Variants in CDH12 observed in about 807,000 individuals in gnomAD.
CDH12 encodes cadherin 12, also known as cadherin-12.
CDH12 carries 41 observed loss-of-function variants against 74.1 expected under a neutral mutation model. That is an observed-to-expected ratio of 0.55 (90% CI 0.43 to 0.72). CDH12 has a LOEUF of 0.72. Ranked by LOEUF, CDH12 falls within the 30% of genes least tolerant of loss-of-function variation. The pLI, the probability that CDH12 is intolerant of heterozygous loss-of-function variation, is 0.00. For missense variants in CDH12, 945 were observed against 977.2 expected, an observed-to-expected ratio of 0.97 and a Z score of 0.44; for synonymous variants, 399 against 355.0, an observed-to-expected ratio of 1.12 and a Z score of -1.39.
intron 6 of CDH12, among the ~76,000 whole-genome samples, chr5:21,887,972 C>T (rs190917367): frequency 7.0e-4 from 106 of 151,918 alleles, no homozygotes; most frequent in African/African-American, 2.0e-3. Context: ...CACTAATTAA[C>T]GAGCCAGTTC....
intron 3 of CDH12, among the ~76,000 whole-genome samples, chr5:22,296,323 G>A (rs569162379): frequency 3.3e-5 from 5 of 152,022 alleles, no homozygotes; most frequent in Non-Finnish European, 7.4e-5. Context: ...GAAAATCAGA[G>A]ACCTATTCCA....
At chr5:21,903,958 T>C (rs897395784) in intron 6 of CDH12, among the ~76,000 whole-genome samples, 4 of 152,228 alleles carry the variant, frequency 2.6e-5, no homozygotes, top group Non-Finnish European at 4.4e-5. Context: ...AAAAAAGACA[T>C]GGATTTCCAG....
intron 5 of CDH12, among the ~76,000 whole-genome samples, chr5:22,025,143 A>G (rs1237986753): frequency 6.6e-6 from 1 of 152,160 alleles, no homozygotes; most frequent in Admixed American, 6.6e-5. Flanking sequence ...TAGAATCAGA[A>G]TTAGAATTCT....
intron 4 of CDH12, among the ~76,000 whole-genome samples, chr5:22,150,433 T>C (rs1479304650): frequency 6.6e-6 from 1 of 151,904 alleles, no homozygotes; most frequent in Non-Finnish European, 1.5e-5. Context: ...ACTCAATAAC[T>C]AGCAATGAAC....
chr5:22,536,627 T>C (rs574162781), intron 1 of CDH12, among the ~76,000 whole-genome samples: 4 of 152,354 alleles, frequency 2.6e-5, no homozygotes, highest in Admixed American at 6.5e-5. Context: ...TTGTCTTGCC[T>C]AAGATACTCC....
chr5:22,756,813 A>C (rs1745942201), intron 1 of CDH12, among the ~76,000 whole-genome samples: 1 of 152,040 alleles, frequency 6.6e-6, no homozygotes, highest in Non-Finnish European at 1.5e-5. Context: ...TACAAAACTT[A>C]GCCAGGCGTG....
At chr5:22,376,976 G>C (rs543036017) in intron 3 of CDH12, among the ~76,000 whole-genome samples, 1 of 152,160 alleles carries the variant, frequency 6.6e-6, no homozygotes, top group African/African-American at 2.4e-5. Context: ...AATTATTAAA[G>C]ACAGGGTATT....
chr5:22,560,713 C>G (rs1012250384), intron 1 of CDH12, among the ~76,000 whole-genome samples: 2 of 151,908 alleles, frequency 1.3e-5, no homozygotes, highest in African/African-American at 4.8e-5. Flanking sequence ...CTGCACAGAT[C>G]GTCAAGTTTT....
intron 4 of CDH12, among the ~76,000 whole-genome samples, chr5:22,102,723 C>T (rs866999435): frequency 2.0e-5 from 3 of 151,676 alleles, no homozygotes; most frequent in Non-Finnish European, 4.4e-5. Flanking sequence ...AAATGTAATC[C>T]CCAATGTAAC....
chr5:22,199,391 C>A (rs568394203), intron 4 of CDH12, among the ~76,000 whole-genome samples: 1 of 152,226 alleles, frequency 6.6e-6, no homozygotes, highest in South Asian at 2.1e-4. Flanking sequence ...CTGGTAGCTT[C>A]CTAAGTTCAT....
chr5:21,760,124 T>C (rs1001956457), intron 13 of CDH12, among the ~76,000 whole-genome samples: 1 of 152,108 alleles, frequency 6.6e-6, no homozygotes, highest in African/African-American at 2.4e-5. Flanking sequence ...GTCTTTGCTA[T>C]TGTGAATAGT....
intron 1 of CDH12, among the ~76,000 whole-genome samples, chr5:22,757,734 C>T (rs554099586): frequency 5.9e-5 from 9 of 152,240 alleles, no homozygotes; most frequent in Admixed American, 5.2e-4. Flanking sequence ...CTTGGATTGT[C>T]AGCTTTGTCC....
chr5:22,679,137 G>A lies in CDH12; in HGVS notation c.-522-173773C>T, dbSNP rs890176477. Among the ~76,000 whole-genome samples the A allele has an allele frequency of 2.0e-5, 3 of 151,972 alleles. No individual in the cohort carries two copies. The East Asian group carries it at 5.8e-4, about 29-fold the overall frequency. On this transcript the variant is annotated intron_variant, in intron 1 of 14. Coordinates refer to ENST00000382254, the MANE Select transcript of CDH12 (RefSeq NM_004061.5). Reference sequence around the variant, plus strand: ...CCTCTAGGCATACTAAAAGCACATGGCCATCATTCATTTCCTAATGAATAC... The same window carrying A: ...CCTCTAGGCATACTAAAAGCACATGACCATCATTCATTTCCTAATGAATAC...
intron 1 of CDH12, among the ~76,000 whole-genome samples, chr5:22,803,895 A>G (rs1409087499): frequency 6.6e-6 from 1 of 152,148 alleles, no homozygotes; most frequent in African/African-American, 2.4e-5. Context: ...AAAACAGCAG[A>G]ATATTTATTT....
At chr5:21,973,587 G>A (rs1756946632) in intron 6 of CDH12, among the ~76,000 whole-genome samples, 1 of 152,104 alleles carries the variant, frequency 6.6e-6, no homozygotes, top group Admixed American at 6.6e-5. Context: ...TACTGTAGAG[G>A]CATGTGTGTG....
intron 3 of CDH12, among the ~76,000 whole-genome samples, chr5:22,296,803 T>A (rs573168954): frequency 1.3e-5 from 2 of 152,286 alleles, no homozygotes; most frequent in South Asian, 4.1e-4. Context: ...CAATAAAGTT[T>A]TGCTGCTTTG....
chr5:22,464,003 A>C (rs1745626511), intron 2 of CDH12, among the ~76,000 whole-genome samples: 4 of 152,140 alleles, frequency 2.6e-5, no homozygotes, highest in Admixed American at 2.6e-4. Context: ...TTGAATTGTA[A>C]CTCCCAGAGT....
chr5:22,658,554 A>C (rs1740180763), intron 1 of CDH12, among the ~76,000 whole-genome samples: 1 of 152,220 alleles, frequency 6.6e-6, no homozygotes, highest in East Asian at 1.9e-4. Context: ...TTCTGGAACA[A>C]ATAAAGAATT....
Position 22,527,334 on chromosome 5 carries a change from C to T in CDH12, c.-522-21970G>A, listed in dbSNP as rs565965468. Among the ~76,000 whole-genome samples the T allele has an allele frequency of 4.6e-5, 7 of 152,164 alleles. No homozygotes were observed. The South Asian group carries it at 1.4e-3, about 32-fold the overall frequency. Reference sequence around the variant, plus strand: ...GATTGAGAGTCATGATTGTGACTCTCCATTTTTATAGTTCAGGTTAGACTT... The same window carrying T: ...GATTGAGAGTCATGATTGTGACTCTTCATTTTTATAGTTCAGGTTAGACTT... On this transcript the variant is annotated intron_variant, in intron 1 of 14. Transcript: ENST00000382254.
Sources: allele counts gnomAD v4.1 joint callset (sites outside exome capture counted in the v4.1 genomes callset), GRCh38; gene constraint gnomAD v4.1.1; transcripts MANE v1.5; gene names NCBI Gene and HGNC (gene_info 2026-07-23, HGNC 2026-07-21).